The following CDC45 variants were observed in gnomAD, a reference collection of about 807,000 sequenced individuals.
CDC45 encodes the protein cell division control protein 45 homolog.
Under a neutral mutation model 77.8 loss-of-function variants are expected in CDC45, and 54 were observed. The observed-to-expected ratio is 0.69, with a 90% CI of 0.56 to 0.87. CDC45 has a LOEUF of 0.87. Ranked by LOEUF, CDC45 falls within the 40% of genes least tolerant of loss-of-function variation. The pLI is 0.00. For synonymous variants in CDC45, 260 were observed against 272.1 expected, an observed-to-expected ratio of 0.96 and a Z score of 0.44; for missense variants, 649 against 721.6, an observed-to-expected ratio of 0.90 and a Z score of 1.15.
rs751143985 is a variant in CDC45 at position 19,494,537 on chromosome 22, A to G, written c.542+155A>G. The G allele has an allele frequency of 4.2e-5, 65 of 1,551,062 alleles. No homozygotes were observed. The highest frequency in any genetic ancestry group is 9.6e-5 in the African/African-American group (7 of 73,000). On this transcript the variant is annotated intron_variant, in intron 6 of 18. Transcript: ENST00000263201. ...CTGGGAGTGAACCTGTGGCCGCTGC[A>G]TTGGAGAAGAGCTCCAGGTTGTTCG...
intron 2 of CDC45, among the ~76,000 whole-genome samples, chr22:19,480,562 C>G (rs13447186): frequency 6.9e-4 from 104 of 151,532 alleles, no homozygotes; most frequent in Non-Finnish European, 1.2e-3. Flanking sequence ...AGAGAGGAAT[C>G]TGTGACAACT....
intron 9 of CDC45, among the ~76,000 whole-genome samples, chr22:19,500,712 TC>T (rs2090326154): frequency 1.3e-5 from 2 of 151,658 alleles, no homozygotes; most frequent in African/African-American, 4.8e-5. Context: ...CTCCACAGTC[TC>T]CCTAAAAGCC....
chr22:19,518,211 G>A (rs535878544), intron 17 of CDC45, among the ~76,000 whole-genome samples: 6 of 152,342 alleles, frequency 3.9e-5, no homozygotes, highest in South Asian at 2.1e-4. Flanking sequence ...TTTCCCTGAG[G>A]GTGGAGAGCC....
chr22:19,508,597 G>T lies in CDC45; in HGVS notation c.1123G>T (p.Asp375Tyr). The T allele has an allele frequency of 6.2e-7, 1 of 1,614,224 alleles. No individual in the cohort carries two copies. Among genetic ancestry groups the T allele is most frequent in the South Asian group, 1.1e-5 (1 of 91,086 alleles). The change falls in exon 13 of 19, where the codon GAC becomes TAC. Residue 375 changes from aspartate (D) to tyrosine (Y), a missense_variant. Coordinates refer to ENST00000263201, the MANE Select transcript of CDC45 (RefSeq NM_003504.5). ...FGFKHKFLASDVVFATMSLME... is the reference protein window; with the variant it reads ...FGFKHKFLASYVVFATMSLME... Reference sequence around the variant, plus strand: ...GTTCAAGCACAAGTTTCTGGCCAGCGACGTGGTCTTTGCCACCATGTCTTT... The same window carrying T: ...GTTCAAGCACAAGTTTCTGGCCAGCTACGTGGTCTTTGCCACCATGTCTTT...
intron 13 of CDC45, among the ~76,000 whole-genome samples, chr22:19,509,993 G>T (rs2078744): frequency 1.3e-5 from 2 of 151,972 alleles, no homozygotes; most frequent in Non-Finnish European, 2.9e-5. Flanking sequence ...ACAGGGTCTC[G>T]CTCTGTTGCC....
At chr22:19,497,036 G>C (rs2090254334) in intron 7 of CDC45, among the ~76,000 whole-genome samples, 3 of 152,178 alleles carry the variant, frequency 2.0e-5, no homozygotes, top group Non-Finnish European at 4.4e-5. Flanking sequence ...TTGGGATTCA[G>C]TGCCTGCCTT....
chr22:19,507,031 G>A (rs528679451), intron 10 of CDC45, among the ~76,000 whole-genome samples: 17 of 152,330 alleles, frequency 1.1e-4, no homozygotes, highest in African/African-American at 4.1e-4. Flanking sequence ...GGGAGGGCTG[G>A]GCTAGGTGGA....
At chr22:19,497,773 T>C (rs1441389753) in intron 8 of CDC45, among the ~76,000 whole-genome samples, 2 of 152,078 alleles carry the variant, frequency 1.3e-5, no homozygotes, top group Non-Finnish European at 2.9e-5. Flanking sequence ...GAGGCAGCCT[T>C]TGCAGTGGCT....
intron 5 of CDC45, among the ~76,000 whole-genome samples, chr22:19,493,052 G>C (rs1462474977): frequency 6.6e-6 from 1 of 152,040 alleles, no homozygotes; most frequent in Non-Finnish European, 1.5e-5. Flanking sequence ...GGCTTGGGGT[G>C]CCTTGCTACA....
At chr22:19,486,782 T>C (rs1226651996) in intron 5 of CDC45, among the ~76,000 whole-genome samples, 1 of 152,104 alleles carries the variant, frequency 6.6e-6, no homozygotes, top group Non-Finnish European at 1.5e-5. Flanking sequence ...GTTCATGCCA[T>C]TCTCCTGCCT....
intron 3 of CDC45, among the ~76,000 whole-genome samples, chr22:19,481,690 G>A (rs1476205231): frequency 3.3e-5 from 5 of 151,894 alleles, no homozygotes; most frequent in Admixed American, 3.3e-4. Context: ...ATTTATTTTT[G>A]AGACGGAACC....
At chr22:19,485,557 G>A (rs1178676986) in intron 5 of CDC45, among the ~76,000 whole-genome samples, 1 of 152,202 alleles carries the variant, frequency 6.6e-6, no homozygotes, top group African/African-American at 2.4e-5. Flanking sequence ...GAACAGACCA[G>A]TGGGTTTGGC....
chr22:19,499,082 C>T lies in CDC45; in HGVS notation c.654-19C>T, dbSNP rs769059746. 5 of 1,614,030 alleles carry T rather than the reference C, an allele frequency of 3.1e-6. No individual in the cohort carries two copies. The highest frequency in any genetic ancestry group is 3.4e-6 in the Non-Finnish European group (4 of 1,179,878). On this transcript the variant is annotated intron_variant, in intron 8 of 18. Coordinates refer to ENST00000263201, the MANE Select transcript of CDC45 (RefSeq NM_003504.5). The stretch of plus-strand genomic sequence containing the variant: ...CCAGGTGGGCTATAGGCCGGCTCCA[C>T]TGCCTTCTCTTCTTCCAGGTGGGCC...
Position 19,515,491 on chromosome 22 carries a change from G to A in CDC45, c.1440+443G>A, listed in dbSNP as rs13447277. ...CTAACTTGGCTGGCTTTAGGGCAGG[G>A]GTCCTCACCTAGCCGACATGGGGCT... On this transcript the variant is annotated intron_variant, in intron 15 of 18. Coordinates refer to ENST00000263201, the MANE Select transcript of CDC45 (RefSeq NM_003504.5). Among the ~76,000 whole-genome samples, 1,154 of 152,252 alleles carry A rather than the reference G, an allele frequency of 7.6e-3. 15 individuals are homozygous for A. The highest frequency in any genetic ancestry group is 0.024 in the African/African-American group (994 of 41,548).
intron 13 of CDC45, among the ~76,000 whole-genome samples, chr22:19,512,582 TG>T (rs534299665): frequency 3.3e-5 from 5 of 152,186 alleles, no homozygotes; most frequent in Non-Finnish European, 7.3e-5. Flanking sequence ...ATCCCAGCAT[TG>T]ATGGGTAGGC....
rs893171213 is a variant in CDC45 at position 19,519,063 on chromosome 22, A to C, written c.*1+154A>C. 3.3e-5 allele frequency among the ~76,000 whole-genome samples: 5 copies of C among 152,216 alleles called. No individual in the cohort carries two copies. The South Asian group carries it at 1.0e-3, about 32-fold the overall frequency. Reference sequence around the variant, plus strand: ...TGGAGCCAACACATTTTTCCCAAGCACATCTGTCCTTAGGCTGCCAGCAGG... The same window carrying C: ...TGGAGCCAACACATTTTTCCCAAGCCCATCTGTCCTTAGGCTGCCAGCAGG... On this transcript the variant is annotated intron_variant, in intron 18 of 18. Coordinates refer to ENST00000263201, the MANE Select transcript of CDC45 (RefSeq NM_003504.5).
At chr22:19,492,470 T>C (rs947561242) in intron 5 of CDC45, among the ~76,000 whole-genome samples, 2 of 152,194 alleles carry the variant, frequency 1.3e-5, no homozygotes, top group African/African-American at 4.8e-5. Context: ...TCTTTAGATC[T>C]CTTATTTCTT....
At chr22:19,516,499 T>A in intron 15 of CDC45, 28 bp from the exon 16 acceptor site, 1 of 1,575,998 alleles carries the variant, frequency 6.3e-7, no homozygotes, top group Non-Finnish European at 8.7e-7. Flanking sequence ...CACCATACCC[T>A]GACGGAGGGT....
At chr22:19,497,834 A>G (rs750634484) in intron 8 of CDC45, among the ~76,000 whole-genome samples, 2 of 152,100 alleles carry the variant, frequency 1.3e-5, no homozygotes, top group African/African-American at 2.4e-5. Context: ...AGGCCGAGAC[A>G]GGAGCATCAC....
Sources: allele counts gnomAD v4.1 joint callset (sites outside exome capture counted in the v4.1 genomes callset), GRCh38; gene constraint gnomAD v4.1.1; transcripts MANE v1.5; gene names NCBI Gene and HGNC (gene_info 2026-07-23, HGNC 2026-07-21).